CHST9: variants seen among roughly 807,000 people sequenced by gnomAD.
CHST9 encodes the protein carbohydrate sulfotransferase 9.
CHST9 carries 41 observed loss-of-function variants against 44.4 expected under a neutral mutation model. The ratio of observed to expected loss-of-function variants is 0.92; its 90% CI spans 0.72 to 1.20. The LOEUF is 1.20. CHST9 is among the 50% of genes most tolerant of loss of function. The pLI, the probability that CHST9 is intolerant of heterozygous loss-of-function variation, is 0.00. For missense variants in CHST9, 504 were observed against 516.5 expected, an observed-to-expected ratio of 0.98 and a Z score of 0.23; for synonymous variants, 171 against 178.4, an observed-to-expected ratio of 0.96 and a Z score of 0.33.
chr18:27,116,773 G>A (rs1567922498), intron 2 of CHST9, among the ~76,000 whole-genome samples: 1 of 151,984 alleles, frequency 6.6e-6, no homozygotes, highest in South Asian at 2.1e-4. Context: ...AATTTATTTG[G>A]ATAATGTTTT....
At chr18:27,147,860 T>TC (rs1471817446) in intron 1 of CHST9, 1 of 130,736 alleles carries the variant, frequency 7.6e-6, no homozygotes, top group Non-Finnish European at 1.6e-5. Flanking sequence ...CTATACTATT[T>TC]CTTTTTTTTT....
intron 3 of CHST9, among the ~76,000 whole-genome samples, chr18:27,045,101 T>C (rs77749400): frequency 0.019 from 2,811 of 151,918 alleles, 78 homozygotes; most frequent in African/African-American, 0.064. Context: ...GCAAATGATG[T>C]AAATGAACAA....
intron 4 of CHST9, among the ~76,000 whole-genome samples, chr18:26,969,722 T>C (rs2056517367): frequency 6.6e-6 from 1 of 152,102 alleles, no homozygotes; most frequent in Admixed American, 6.5e-5. Context: ...GGTGATGAGC[T>C]AGAGAGTGAG....
chr18:27,128,711 T>C (rs988974752), intron 2 of CHST9, among the ~76,000 whole-genome samples: 2 of 152,226 alleles, frequency 1.3e-5, no homozygotes, highest in African/African-American at 4.8e-5. Context: ...ATTGGTTAAA[T>C]GATTTTTGGG....
At chr18:27,038,102 T>C (rs1383176825) in intron 3 of CHST9, among the ~76,000 whole-genome samples, 2 of 152,206 alleles carry the variant, frequency 1.3e-5, no homozygotes, top group African/African-American at 4.8e-5. Flanking sequence ...AAAAAATTGA[T>C]TATCTCTCTT....
intron 3 of CHST9, among the ~76,000 whole-genome samples, chr18:27,034,543 C>G (rs770321609): frequency 6.6e-5 from 10 of 152,124 alleles, no homozygotes; most frequent in Non-Finnish European, 1.5e-4. Flanking sequence ...CAAACTGCTT[C>G]CCACAGTCTA....
chr18:27,144,015 T>C (rs2058591064), intron 1 of CHST9, among the ~76,000 whole-genome samples: 1 of 152,114 alleles, frequency 6.6e-6, no homozygotes, highest in South Asian at 2.1e-4. Flanking sequence ...CTGTTCCCAA[T>C]GAACTGCCAC....
chr18:27,162,765 C>T (rs1215934589), intron 1 of CHST9, among the ~76,000 whole-genome samples: 1 of 152,168 alleles, frequency 6.6e-6, no homozygotes, highest in Admixed American at 6.5e-5. Context: ...GAACTTCCTC[C>T]TTTAGCTCGG....
chr18:27,030,191 C>T (rs1421587759), intron 3 of CHST9, among the ~76,000 whole-genome samples: 1 of 152,116 alleles, frequency 6.6e-6, no homozygotes, highest in African/African-American at 2.4e-5. Flanking sequence ...AAATGGCTAT[C>T]CCTTCAATAA....
intron 1 of CHST9, among the ~76,000 whole-genome samples, chr18:27,168,958 A>G (rs2058812697): frequency 6.6e-6 from 1 of 152,212 alleles, no homozygotes; most frequent in African/African-American, 2.4e-5. Flanking sequence ...GGCCTTGAAG[A>G]AGCAAAAAAC....
At chr18:27,067,453 AAAAT>A (rs765147148) in intron 2 of CHST9, among the ~76,000 whole-genome samples, 5 of 152,020 alleles carry the variant, frequency 3.3e-5, no homozygotes, top group African/African-American at 7.2e-5. Context: ...AGAAAAAAGT[AAAAT>A]AAATAAATAA....
At chr18:26,933,338 A>T (rs906115941) in intron 5 of CHST9, among the ~76,000 whole-genome samples, 4 of 152,202 alleles carry the variant, frequency 2.6e-5, no homozygotes, top group African/African-American at 9.7e-5. Context: ...TCAATCTCTT[A>T]TCTGTAAGAG....
chr18:27,111,948 A>T (rs1431824419), intron 2 of CHST9, among the ~76,000 whole-genome samples: 1 of 152,116 alleles, frequency 6.6e-6, no homozygotes, highest in Non-Finnish European at 1.5e-5. Context: ...CCTTCAAATT[A>T]TACCATCAGC....
Position 26,986,459 on chromosome 18 carries a change from G to T in CHST9, c.202+37657C>A, listed in dbSNP as rs191192615. Among the ~76,000 whole-genome samples, 857 of 152,206 alleles carry T rather than the reference G, an allele frequency of 5.6e-3. 3 individuals are homozygous for T. The highest frequency in any genetic ancestry group is 9.4e-3 in the Non-Finnish European group (641 of 67,998). ...GTGAGCTATCAGACAACTTTAAGCAGCCTAATATTTTGTAATTGGACTACC... is the reference window on the plus strand; with the variant it reads ...GTGAGCTATCAGACAACTTTAAGCATCCTAATATTTTGTAATTGGACTACC... On this transcript the variant is annotated intron_variant, in intron 4 of 5. Coordinates refer to ENST00000618847, the MANE Select transcript of CHST9 (RefSeq NM_031422.6).
At chr18:26,943,899 G>T (rs2056122800) in intron 5 of CHST9, among the ~76,000 whole-genome samples, 1 of 152,120 alleles carries the variant, frequency 6.6e-6, no homozygotes, top group African/African-American at 2.4e-5. Flanking sequence ...GTATATAGGG[G>T]GCCAGTTCTT....
At chr18:27,147,558 G>A (rs1172810885) in intron 1 of CHST9, 1 of 152,176 alleles carries the variant, frequency 6.6e-6, no homozygotes, top group African/African-American at 2.4e-5. Context: ...CACTCTCTGA[G>A]TAAACCGAGA....
intron 4 of CHST9, among the ~76,000 whole-genome samples, chr18:26,995,370 G>A (rs924761741): frequency 7.9e-5 from 12 of 151,000 alleles, no homozygotes; most frequent in African/African-American, 2.7e-4. Context: ...CCCGGGAGGC[G>A]GAGCTTGCAG....
intron 4 of CHST9, among the ~76,000 whole-genome samples, chr18:27,001,187 T>C (rs1476819795): frequency 6.6e-6 from 1 of 152,204 alleles, no homozygotes. Context: ...TAGGAGGTGA[T>C]GATGTGTGTG....
intron 5 of CHST9, among the ~76,000 whole-genome samples, chr18:26,942,208 T>C (rs967009838): frequency 3.9e-5 from 6 of 152,342 alleles, no homozygotes; most frequent in African/African-American, 9.6e-5. Flanking sequence ...CCAGAGTTTA[T>C]ATAAATTAGA....
Sources: gnomAD v4.1 joint callset for allele counts (sites outside exome capture counted in the v4.1 genomes callset) on GRCh38, gnomAD v4.1.1 for gene constraint, MANE v1.5 for transcripts, NCBI Gene and HGNC (gene_info 2026-07-23, HGNC 2026-07-21) for gene names.